Variants in GTF2F2 observed in about 807,000 individuals in gnomAD.
The protein encoded by GTF2F2 is ATP-dependent helicase GTF2F2.
In GTF2F2, 23 loss-of-function variants were observed where a neutral mutation model predicts 42.2. The observed-to-expected ratio is 0.55, with a 90% CI of 0.39 to 0.77. The LOEUF is 0.77. Among genes scored for constraint, GTF2F2 ranks in the 30% least tolerant of loss-of-function variants. The pLI, the probability that GTF2F2 is intolerant of heterozygous loss-of-function variation, is 0.00. For synonymous variants in GTF2F2, 105 were observed against 100.8 expected, an observed-to-expected ratio of 1.04 and a Z score of -0.25; for missense variants, 261 against 287.2, an observed-to-expected ratio of 0.91 and a Z score of 0.66.
intron 5 of GTF2F2, among the ~76,000 whole-genome samples, chr13:45,207,804 T>C (rs1409741964): frequency 6.6e-6 from 1 of 152,154 alleles, no homozygotes; most frequent in Non-Finnish European, 1.5e-5. Flanking sequence ...ATGTATAAGA[T>C]CTTTGTAATA....
rs1479861924 is a variant in GTF2F2, at chr13:45,207,410, T to G, written c.305-14T>G. The G allele has an allele frequency of 1.3e-6, 2 of 1,536,084 alleles. No homozygotes were observed. The highest frequency in any genetic ancestry group is 3.4e-5 in the Admixed American group (2 of 59,696). On this transcript the variant is annotated splice_polypyrimidine_tract_variant and intron_variant, in intron 4 of 7. Coordinates refer to ENST00000340473, the MANE Select transcript of GTF2F2 (RefSeq NM_004128.3). ...TAAGTATTATCTCTGAATCCTTTTT[T>G]TTTTCCATTCAAGATAAGCTGTCAT...
intron 5 of GTF2F2, among the ~76,000 whole-genome samples, chr13:45,229,261 C>T (rs932934858): frequency 1.3e-5 from 2 of 152,048 alleles, no homozygotes; most frequent in South Asian, 4.1e-4. Context: ...GATTGCACAC[C>T]CTTCCTGAAA....
chr13:45,133,129 T>A (rs1869448710), intron 1 of GTF2F2, among the ~76,000 whole-genome samples: 1 of 152,036 alleles, frequency 6.6e-6, no homozygotes, highest in South Asian at 2.1e-4. Context: ...GCCACGCTAG[T>A]ATGACAGAGG....
At chr13:45,184,279 C>T (rs1267331979) in intron 4 of GTF2F2, among the ~76,000 whole-genome samples, 1 of 151,984 alleles carries the variant, frequency 6.6e-6, no homozygotes, top group Non-Finnish European at 1.5e-5. Context: ...GTGGCTGTTC[C>T]CTTGTTGGGG....
At chr13:45,242,449 A>G (rs1412186501) in intron 5 of GTF2F2, among the ~76,000 whole-genome samples, 1 of 151,864 alleles carries the variant, frequency 6.6e-6, no homozygotes, top group Non-Finnish European at 1.5e-5. Flanking sequence ...GAAAATACAC[A>G]TTCTTTTGTA....
At chr13:45,248,869 T>A (rs921595359) in intron 5 of GTF2F2, among the ~76,000 whole-genome samples, 39 of 152,226 alleles carry the variant, frequency 2.6e-4, no homozygotes, top group Non-Finnish European at 1.9e-4. Context: ...ATTTGTTTCC[T>A]GAAAACAACA....
intron 4 of GTF2F2, among the ~76,000 whole-genome samples, chr13:45,173,156 C>A (rs1329593565): frequency 6.6e-6 from 1 of 152,004 alleles, no homozygotes; most frequent in Non-Finnish European, 1.5e-5. Flanking sequence ...AAAATATGTT[C>A]TATTTTTCTA....
At chr13:45,125,006 A>T (rs927246888) in intron 1 of GTF2F2, among the ~76,000 whole-genome samples, 2 of 152,226 alleles carry the variant, frequency 1.3e-5, no homozygotes, top group African/African-American at 4.8e-5. Flanking sequence ...CAGACAGGCA[A>T]GCGCTTGGAC....
intron 5 of GTF2F2, among the ~76,000 whole-genome samples, chr13:45,213,941 A>G (rs1291239965): frequency 6.6e-6 from 1 of 152,254 alleles, no homozygotes; most frequent in Admixed American, 6.5e-5. Flanking sequence ...CTGTTTTTCA[A>G]AATATAAAGA....
chr13:45,228,567 A>G (rs900476917), intron 5 of GTF2F2, among the ~76,000 whole-genome samples: 2 of 148,634 alleles, frequency 1.3e-5, no homozygotes, highest in African/African-American at 2.5e-5. Context: ...CCTTTAACCA[A>G]TGGGCACTGA....
chr13:45,214,352 C>G lies in GTF2F2; in HGVS notation c.386+6847C>G, dbSNP rs971489613. ...ACTTTCATACTAGTAAATACATACA[C>G]TAACCCCAAGAAATGACCTTCAGTC... On this transcript the variant is annotated intron_variant, in intron 5 of 7. Transcript: ENST00000340473. Among the ~76,000 whole-genome samples the G allele has an allele frequency of 3.3e-5, 5 of 152,142 alleles. No homozygotes were observed. In the East Asian group the frequency reaches 9.6e-4, roughly 29 times the overall value.
intron 5 of GTF2F2, among the ~76,000 whole-genome samples, chr13:45,247,336 CAAATT>C (rs960308512): frequency 1.5e-4 from 23 of 151,418 alleles, no homozygotes; most frequent in African/African-American, 5.3e-4. Context: ...GAGACTGTCT[CAAATT>C]AAATTAAGCT....
chr13:45,197,376 G>T (rs922352882), intron 4 of GTF2F2, among the ~76,000 whole-genome samples: 2 of 151,496 alleles, frequency 1.3e-5, no homozygotes, highest in Admixed American at 6.6e-5. Context: ...GGGTGTGTTG[G>T]TGTATGTCTG....
intron 5 of GTF2F2, among the ~76,000 whole-genome samples, chr13:45,238,440 T>C (rs558340425): frequency 5.4e-4 from 82 of 152,254 alleles, no homozygotes; most frequent in African/African-American, 1.9e-3. Flanking sequence ...TGTACTAAAA[T>C]AGTGTCTAGA....
chr13:45,193,083 T>G (rs1435067190), intron 4 of GTF2F2: 1 of 152,204 alleles, frequency 6.6e-6, no homozygotes, highest in Non-Finnish European at 1.5e-5. Context: ...TTTATTATAA[T>G]CATTAATACA....
intron 1 of GTF2F2, among the ~76,000 whole-genome samples, chr13:45,130,143 G>T (rs1170954879): frequency 6.6e-6 from 1 of 152,200 alleles, no homozygotes; most frequent in East Asian, 1.9e-4. Flanking sequence ...GAGATGGGAA[G>T]CTAGTAGCCA....
chr13:45,197,341 T>TAAAA (rs67534725), intron 4 of GTF2F2, among the ~76,000 whole-genome samples: 1 of 137,112 alleles, frequency 7.3e-6, no homozygotes, highest in African/African-American at 2.7e-5. Context: ...TACCAAAAAT[T>TAAAA]AAAAAAAAAA....
intron 7 of GTF2F2, among the ~76,000 whole-genome samples, chr13:45,280,966 T>C (rs1877238110): frequency 6.6e-6 from 1 of 152,260 alleles, no homozygotes; most frequent in Non-Finnish European, 1.5e-5. Flanking sequence ...TTTACAAAGA[T>C]GTCATTCTTG....
At chr13:45,220,072 A>G (rs562490143) in intron 5 of GTF2F2, among the ~76,000 whole-genome samples, 3 of 152,344 alleles carry the variant, frequency 2.0e-5, no homozygotes, top group South Asian at 4.1e-4. Flanking sequence ...GTTTCTCATG[A>G]ATAGAAGAGT....
Sources: allele counts gnomAD v4.1 joint callset (sites outside exome capture counted in the v4.1 genomes callset), GRCh38; gene constraint gnomAD v4.1.1; transcripts MANE v1.5; gene names NCBI Gene and HGNC (gene_info 2026-07-23, HGNC 2026-07-21).